HS6ST3: variants seen among roughly 807,000 people sequenced by gnomAD.
HS6ST3 encodes the protein heparan sulfate 6-O-sulfotransferase 3.
Under a neutral mutation model 36.7 loss-of-function variants are expected in HS6ST3, and 12 were observed. That is an observed-to-expected ratio of 0.33 (90% CI 0.21 to 0.53). The LOEUF (loss-of-function observed/expected upper bound fraction) is 0.53, where lower values mean the gene tolerates loss of function less well. HS6ST3 is among the 20% of genes least tolerant of loss of function. The pLI is 0.95. For synonymous variants in HS6ST3, 240 were observed against 257.5 expected (o/e 0.93, Z 0.65); for missense variants, 584 against 640.9 (o/e 0.91, Z 0.96).
At chr13:96,800,027 T>TA (rs1878030637) in intron 1 of HS6ST3, among the ~76,000 whole-genome samples, 1 of 142,978 alleles carries the variant, frequency 7.0e-6, no homozygotes, top group African/African-American at 2.6e-5. Context: ...TATATATATA[T>TA]GGAAGAGAGA....
intron 1 of HS6ST3, among the ~76,000 whole-genome samples, chr13:96,385,601 A>G (rs1402950406): frequency 1.3e-5 from 2 of 152,162 alleles, no homozygotes; most frequent in African/African-American, 2.4e-5. Context: ...CAGAATTAGG[A>G]GGTTTGGACA....
chr13:96,444,236 C>A (rs961863624), intron 1 of HS6ST3, among the ~76,000 whole-genome samples: 4 of 152,144 alleles, frequency 2.6e-5, no homozygotes, highest in African/African-American at 9.7e-5. Context: ...GTGGCAGGCA[C>A]ATGGGGCTGT....
chr13:96,235,512 C>T (rs889286217), intron 1 of HS6ST3, among the ~76,000 whole-genome samples: 1 of 152,122 alleles, frequency 6.6e-6, no homozygotes, highest in African/African-American at 2.4e-5. Context: ...ATGGGATCAC[C>T]ATTCCTAGCA....
At chr13:96,370,197 A>G (rs1033363363) in intron 1 of HS6ST3, among the ~76,000 whole-genome samples, 1 of 152,194 alleles carries the variant, frequency 6.6e-6, no homozygotes, top group African/African-American at 2.4e-5. Context: ...TTGCTCCTTT[A>G]AAAAGTTCAA....
chr13:96,450,668 C>G (rs1323489276), intron 1 of HS6ST3, among the ~76,000 whole-genome samples: 1 of 152,066 alleles, frequency 6.6e-6, no homozygotes, highest in Non-Finnish European at 1.5e-5. Flanking sequence ...GGCTAACTTG[C>G]CTATAGAAAC....
intron 1 of HS6ST3, among the ~76,000 whole-genome samples, chr13:96,652,333 C>T (rs1011477795): frequency 5.9e-5 from 9 of 151,568 alleles, no homozygotes; most frequent in African/African-American, 1.7e-4. Context: ...TATGCAGTCC[C>T]GTCCCTTTCC....
chr13:96,236,626 T>C (rs2054536050), intron 1 of HS6ST3, among the ~76,000 whole-genome samples: 1 of 152,140 alleles, frequency 6.6e-6, no homozygotes, highest in Non-Finnish European at 1.5e-5. Flanking sequence ...TCATTCACTG[T>C]CTCCTTGCCA....
chr13:96,618,521 GGGCCC>G (rs1381061384), intron 1 of HS6ST3, among the ~76,000 whole-genome samples: 1 of 152,108 alleles, frequency 6.6e-6, no homozygotes, highest in African/African-American at 2.4e-5. Flanking sequence ...TCAGGTATTG[GGGCCC>G]TTATTTGCAT....
At chr13:96,451,301 A>AT (rs2055727081) in intron 1 of HS6ST3, among the ~76,000 whole-genome samples, 1 of 152,040 alleles carries the variant, frequency 6.6e-6, no homozygotes. Flanking sequence ...GCCAAAATAT[A>AT]TTTTTATTTT....
chr13:96,694,066 A>G (rs1340593144), intron 1 of HS6ST3, among the ~76,000 whole-genome samples: 1 of 152,174 alleles, frequency 6.6e-6, no homozygotes, highest in Non-Finnish European at 1.5e-5. Flanking sequence ...GATTCATTAT[A>G]GAGGTAAACT....
At chr13:96,301,424 T>C (rs973817067) in intron 1 of HS6ST3, among the ~76,000 whole-genome samples, 1 of 152,068 alleles carries the variant, frequency 6.6e-6, no homozygotes, top group Non-Finnish European at 1.5e-5. Context: ...TAAAGGGGAA[T>C]GTAGGGGTGG....
intron 1 of HS6ST3, among the ~76,000 whole-genome samples, chr13:96,625,318 G>A (rs890668483): frequency 3.9e-5 from 6 of 152,090 alleles, no homozygotes; most frequent in African/African-American, 1.2e-4. Flanking sequence ...CATCTGGTTC[G>A]GGAAACAAGT....
intron 1 of HS6ST3, among the ~76,000 whole-genome samples, chr13:96,369,418 A>G (rs1043018549): frequency 3.9e-5 from 6 of 152,176 alleles, no homozygotes; most frequent in Middle Eastern, 3.2e-3. Context: ...TAATTGCCTT[A>G]GGTATTCTTA....
At chr13:96,582,007 A>G (rs2138969408) in intron 1 of HS6ST3, among the ~76,000 whole-genome samples, 1 of 152,318 alleles carries the variant, frequency 6.6e-6, no homozygotes, top group South Asian at 2.1e-4. Flanking sequence ...CTGTCTAAAG[A>G]GAACATTTTC....
At chr13:96,372,018 TTA>T (rs1230336746) in intron 1 of HS6ST3, among the ~76,000 whole-genome samples, 2 of 152,192 alleles carry the variant, frequency 1.3e-5, no homozygotes, top group Non-Finnish European at 2.9e-5. Flanking sequence ...GATTGCTGGA[TTA>T]TATGATATTT....
chr13:96,694,231 T>C (rs1875057356), intron 1 of HS6ST3, among the ~76,000 whole-genome samples: 1 of 152,184 alleles, frequency 6.6e-6, no homozygotes, highest in African/African-American at 2.4e-5. Flanking sequence ...GTTCTCATTA[T>C]TTAGCTCCCA....
rs554525555 is a variant in HS6ST3, at chr13:96,403,372, A to G, written c.707+311803A>G. ...TGCCAAAATGGTTAACCTATCCTCA[A>G]ATAGACTCAGTAAAGTGCCAGTACC... On this transcript the variant is annotated intron_variant, in intron 1 of 1. Coordinates refer to ENST00000376705, the MANE Select transcript of HS6ST3 (RefSeq NM_153456.4). Among the ~76,000 whole-genome samples the G allele has an allele frequency of 3.3e-5, 5 of 152,310 alleles. No homozygotes were observed. In the South Asian group the frequency reaches 8.3e-4, roughly 25 times the overall value.
chr13:96,335,720 C>T (rs1294919782), intron 1 of HS6ST3, among the ~76,000 whole-genome samples: 2 of 152,148 alleles, frequency 1.3e-5, no homozygotes, highest in Admixed American at 6.5e-5. Flanking sequence ...TTGGTGTAGT[C>T]CTCCTCTTTA....
intron 1 of HS6ST3, among the ~76,000 whole-genome samples, chr13:96,522,183 G>T (rs1457488666): frequency 6.6e-6 from 1 of 152,198 alleles, no homozygotes; most frequent in Non-Finnish European, 1.5e-5. Context: ...TTAATCCTGA[G>T]TTCTAATTTG....
Sources: allele counts gnomAD v4.1 joint callset (sites outside exome capture counted in the v4.1 genomes callset), GRCh38; gene constraint gnomAD v4.1.1; transcripts MANE v1.5; gene names NCBI Gene and HGNC (gene_info 2026-07-23, HGNC 2026-07-21).